Variants in IKBKB observed in about 807,000 individuals in gnomAD.
The protein encoded by IKBKB is inhibitor of nuclear factor kappa B kinase subunit beta, also known as inhibitor of nuclear factor kappa-B kinase subunit beta.
In IKBKB, 42 loss-of-function variants were observed where a neutral mutation model predicts 113.6. The ratio of observed to expected loss-of-function variants is 0.37; its 90% CI spans 0.29 to 0.48. The LOEUF is 0.48. Among genes scored for constraint, IKBKB ranks in the 20% least tolerant of loss-of-function variants. The probability of loss-of-function intolerance (pLI) is 0.99; values close to 1 mark genes in which losing one functional copy is unlikely to be tolerated. For missense variants in IKBKB, 673 were observed against 939.7 expected, an observed-to-expected ratio of 0.72 and a Z score of 3.71; for synonymous variants, 296 against 361.3, an observed-to-expected ratio of 0.82 and a Z score of 2.05.
rs537838541 is a variant in IKBKB at position 42,287,064 on chromosome 8, AC to A, written c.106-1563del. On this transcript the variant is annotated intron_variant, in intron 2 of 21. Coordinates refer to ENST00000520810, the MANE Select transcript of IKBKB (RefSeq NM_001556.3). ...CTGCTGCCCCGCAGTTGTCTTGGAG[AC>A]CCCCCCATAGCCAAAAGAGGTGACA... 2.0e-3 allele frequency among the ~76,000 whole-genome samples: 303 copies of A among 151,242 alleles called. 3 individuals are homozygous for A. The Middle Eastern group carries it at 0.024, about 12-fold the overall frequency.
chr8:42,283,586 T>C (rs1016174380), intron 2 of IKBKB, among the ~76,000 whole-genome samples: 8 of 152,060 alleles, frequency 5.3e-5, no homozygotes, highest in South Asian at 4.1e-4. Context: ...AAAGTGGCGC[T>C]TCTAGAAGAT....
At chr8:42,305,942 G>GC (rs1402619064) in intron 6 of IKBKB, among the ~76,000 whole-genome samples, 8 of 152,226 alleles carry the variant, frequency 5.3e-5, no homozygotes, top group African/African-American at 1.9e-4. Context: ...CACAGGGCTC[G>GC]CCCTTGTTCC....
rs1458669220 is a variant in IKBKB at position 42,322,084 on chromosome 8, T to C, written c.1769T>C (p.Met590Thr). 1.2e-6 allele frequency: 2 copies of C among 1,613,780 alleles called. No homozygotes were observed. The highest frequency in any genetic ancestry group is 2.2e-5 in the East Asian group (1 of 44,858). Residue 590 changes from methionine (M) to threonine (T), a missense_variant, in exon 18 of 22, where the codon ATG becomes ACG. Met to Thr is a moderately conservative substitution (Grantham distance 81). Coordinates refer to ENST00000520810, the MANE Select transcript of IKBKB (RefSeq NM_001556.3). The part of the protein sequence containing the change: ...DQRTEGDSQE[M>T]VRLLLQAIQS... The stretch of plus-strand genomic sequence containing the variant: ...CGAACTGAGGGTGACAGTCAGGAAA[T>C]GGTACGGCTGCTGCTTCAGGCAATT...
chr8:42,320,881 C>T (rs757763997), intron 16 of IKBKB, 37 bp downstream of exon 16: 2 of 1,349,932 alleles, frequency 1.5e-6, no homozygotes, highest in Admixed American at 2.0e-5. Context: ...GTGCCCAGCA[C>T]ACACAGACAG....
At chr8:42,306,521 G>C (rs2294096) in intron 7 of IKBKB, 89 bp downstream of exon 7, 20,089 of 826,814 alleles carry the variant, frequency 0.024, 1,094 homozygotes, top group South Asian at 0.14. Context: ...CCCAGCACCT[G>C]AGTCCCACCG....
At chr8:42,323,393 G>A (rs1357258555) in intron 19 of IKBKB, among the ~76,000 whole-genome samples, 1 of 152,228 alleles carries the variant, frequency 6.6e-6, no homozygotes, top group East Asian at 1.9e-4. Context: ...GTGAGTCCAT[G>A]GGATGCCACA....
At position 42,314,096 on chromosome 8, in the gene IKBKB, C is replaced by T. The variant is rs1480431830; in HGVS notation, c.693-226C>T. ...ATATGTTTAGATACACCAATACTTA[C>T]CATTGTGTTACCCTGGCCTACAGTA... On this transcript the variant is annotated intron_variant, in intron 8 of 21. Transcript: ENST00000520810. 7.5e-6 allele frequency: 4 copies of T among 532,234 alleles called. No individual in the cohort carries two copies. The African/African-American group carries it at 7.6e-5, about 10-fold the overall frequency. 33.0% of individuals were successfully genotyped at this position (532,234 alleles called of 1,614,324 possible).
intron 5 of IKBKB, among the ~76,000 whole-genome samples, chr8:42,301,832 C>G (rs1002995668): frequency 5.3e-5 from 8 of 152,186 alleles, no homozygotes; most frequent in African/African-American, 1.9e-4. Context: ...CTCCTCTTCA[C>G]TGGGGGGTTC....
Position 42,316,713 on chromosome 8 carries a change from G to A in IKBKB, c.934G>A (p.Val312Ile). 2 of 1,610,874 alleles carry A rather than the reference G, an allele frequency of 1.2e-6. No homozygotes were observed. Among genetic ancestry groups the A allele is most frequent in the Non-Finnish European group, 1.7e-6 (2 of 1,177,460 alleles). Residue 312 changes from valine to isoleucine, a missense_variant, in exon 11 of 22, where the codon GTT becomes ATT. Physicochemically the swap from Val to Ile is conservative, Grantham distance 29. Coordinates refer to ENST00000520810, the MANE Select transcript of IKBKB (RefSeq NM_001556.3). This position sits in a 1 kb window ranked among gnomAD's most constrained non-coding sequence, Gnocchi z 4.5. ...ALDDILNLKL[V>I]HILNMVTGTI... ...TAACATCTGGGTTGTGTTGCAGCTG[G>A]TTCATATCTTGAACATGGTCACGGG...
At chr8:42,320,282 A>G (rs997899746) in intron 15 of IKBKB, 3 of 171,604 alleles carry the variant, frequency 1.7e-5, no homozygotes, top group Non-Finnish European at 2.5e-5. Flanking sequence ...AATATTAACC[A>G]TAGAAGGGCT....
Position 42,316,810 on chromosome 8 carries a change from C to T in IKBKB, c.1031C>T (p.Thr344Met), listed in dbSNP as rs201849681. Residue 344 changes from threonine (T) to methionine (M), a missense_variant, in exon 11 of 22, where the codon ACG becomes ATG. Around this residue, in one of 2 missense-constraint regions of IKBKB, gnomAD observed 506 missense variants for 638.7 expected, o/e 0.79. Coordinates refer to ENST00000520810, the MANE Select transcript of IKBKB (RefSeq NM_001556.3). The surrounding 1 kb of genome is among the most constrained non-coding windows in gnomAD (Gnocchi z 4.5). ...TTGAAGGCCAGAATCCAACAGGACACGGGCATCCCAGAGGAGGACCAGGAG... is the reference window on the plus strand; with the variant it reads ...TTGAAGGCCAGAATCCAACAGGACATGGGCATCCCAGAGGAGGACCAGGAG... ...QSLKARIQQD[T>M]GIPEEDQELL... 189 of 1,614,122 alleles carry T rather than the reference C, an allele frequency of 1.2e-4. No individual in the cohort carries two copies. The highest frequency in any genetic ancestry group is 8.8e-4 in the South Asian group (80 of 91,078).
At chr8:42,286,360 C>T (rs1811421186) in intron 2 of IKBKB, among the ~76,000 whole-genome samples, 1 of 152,112 alleles carries the variant, frequency 6.6e-6, no homozygotes, top group Admixed American at 6.6e-5. Flanking sequence ...CCTTTTCTTG[C>T]TGTGAAGGTC....
chr8:42,317,157 CTA>C (rs766127285), intron 11 of IKBKB: 3 of 532,946 alleles, frequency 5.6e-6, no homozygotes, highest in Non-Finnish European at 1.0e-5. Context: ...AAAAATGATG[CTA>C]TAACACTCGA....
intron 7 of IKBKB, 25 bp downstream of exon 7, chr8:42,306,457 G>C: frequency 6.8e-7 from 1 of 1,475,228 alleles, no homozygotes; most frequent in Non-Finnish European, 9.5e-7. Flanking sequence ...TTGCCTGTTT[G>C]CCTGTCAGCT....
intron 5 of IKBKB, chr8:42,298,605 G>A (rs888047425): frequency 4.6e-6 from 2 of 434,882 alleles, no homozygotes; most frequent in African/African-American, 4.3e-5. Context: ...GAAAGCATAA[G>A]TAACCAGGTT....
intron 2 of IKBKB, among the ~76,000 whole-genome samples, chr8:42,279,426 A>C (rs1282155855): frequency 2.0e-5 from 3 of 152,364 alleles, no homozygotes; most frequent in African/African-American, 7.2e-5. Flanking sequence ...TAGTTATCAC[A>C]ATAGAAGTTA....
At chr8:42,299,374 C>T (rs983708427) in intron 5 of IKBKB, among the ~76,000 whole-genome samples, 4 of 152,208 alleles carry the variant, frequency 2.6e-5, no homozygotes, top group Admixed American at 2.6e-4. Flanking sequence ...CTTGGAAGGG[C>T]ACTTCCATCA....
In IKBKB at chr8:42,288,742, G is replaced by T. The variant is rs200656504; in HGVS notation, c.200+14G>T. ...GATCATGAGAAGGTGAGGGCCTCGC[G>T]CATAGGGACCCAAGGGAAAGCTGGA... On this transcript the variant is annotated intron_variant, in intron 3 of 21. Transcript: ENST00000520810. 2 of 1,593,008 alleles carry T rather than the reference G, an allele frequency of 1.3e-6. No homozygotes were observed. Among genetic ancestry groups the T allele is most frequent in the East Asian group, 4.5e-5 (2 of 44,144 alleles).
chr8:42,320,805 G>C lies in IKBKB; in HGVS notation c.1649G>C (p.Ser550Thr). The change falls in exon 16 of 22, where the codon AGC (serine) becomes ACC (threonine). Residue 550 changes from serine to threonine, a missense_variant. Ser to Thr is a moderately conservative substitution (Grantham distance 58). Around this residue, in one of 2 missense-constraint regions of IKBKB, gnomAD observed 506 missense variants for 638.7 expected, o/e 0.79. Transcript: ENST00000520810. The stretch of plus-strand genomic sequence containing the variant: ...ACCGACATTGTGGACTTACAGAGGA[G>C]CCCCATGGGCCGGAAGCAGGGGGGA... The part of the protein sequence containing the change: ...LQTDIVDLQR[S>T]PMGRKQGGTL... 1 of 1,607,028 alleles carries C rather than the reference G, an allele frequency of 6.2e-7. No homozygotes were observed. The highest frequency in any genetic ancestry group is 8.5e-7 in the Non-Finnish European group (1 of 1,176,534).
Sources: gnomAD v4.1 joint callset for allele counts (sites outside exome capture counted in the v4.1 genomes callset) on GRCh38, gnomAD v4.1.1 for gene constraint, gnomAD v4.1.1 regional missense constraint, Gnocchi (gnomAD v3.1) non-coding constraint, MANE v1.5 for transcripts, NCBI Gene and HGNC (gene_info 2026-07-23, HGNC 2026-07-21) for gene names.